UBQLN1: variants seen among roughly 807,000 people sequenced by gnomAD.
UBQLN1 encodes the protein ubiquilin 1.
In UBQLN1, 13 loss-of-function variants were observed where a neutral mutation model predicts 65.4. That is an observed-to-expected ratio of 0.20 (90% CI 0.13 to 0.32). The LOEUF (loss-of-function observed/expected upper bound fraction) is 0.32. UBQLN1 is among the 10% of genes least tolerant of loss of function. UBQLN1 has a pLI of 1.00. For missense variants in UBQLN1, 561 were observed against 724.0 expected (o/e 0.77, Z 2.58); for synonymous variants, 267 against 247.8 (o/e 1.08, Z -0.73).
chr9:83,685,907 A>T, intron 2 of UBQLN1, 97 bp downstream of exon 2: 4 of 1,091,366 alleles, frequency 3.7e-6, no homozygotes, highest in Non-Finnish European at 5.1e-6. Flanking sequence ...TTTAAATATT[A>T]ATGACAGGGA....
rs1483060240 is a variant in UBQLN1 at position 83,682,970 on chromosome 9, A to G, written c.429T>C (p.Thr143=). The G allele has an allele frequency of 1.9e-6, 3 of 1,610,674 alleles. No homozygotes were observed. Among genetic ancestry groups the G allele is most frequent in the Non-Finnish European group, 2.5e-6 (3 of 1,177,904 alleles). ...PNSNSTSGSA[T]SNPFGLGGLG... ...ACTTACCTAAACCAAAAGGGTTGCTAGTAGCAGAACCAGATGTAGAGTTAC... is the reference window on the plus strand; with the variant it reads ...ACTTACCTAAACCAAAAGGGTTGCTGGTAGCAGAACCAGATGTAGAGTTAC... Residue 143 remains threonine (T), a synonymous_variant, in exon 3 of 11, where the codon ACT becomes ACC. Transcript: ENST00000376395.
chr9:83,692,224 AG>A (rs1564170470), intron 1 of UBQLN1, among the ~76,000 whole-genome samples: 1 of 152,244 alleles, frequency 6.6e-6, no homozygotes, highest in Non-Finnish European at 1.5e-5. Context: ...TAAATAATGT[AG>A]TGTTTTTATC....
At chr9:83,694,060 A>C (rs1832169952) in intron 1 of UBQLN1, among the ~76,000 whole-genome samples, 1 of 152,244 alleles carries the variant, frequency 6.6e-6, no homozygotes, top group Non-Finnish European at 1.5e-5. Context: ...TTTAAAAGCA[A>C]CATTGTCACC....
In UBQLN1 at chr9:83,707,764, C is replaced by G. The variant is rs1488557542; in HGVS notation, c.-85G>C. ...AGGAGCCAGCAGACACCAGAGCCGG[C>G]AGGCCTGGACAGCGAAGAATGCAGA... On this transcript the variant is annotated 5_prime_UTR_variant, in exon 1 of 11. Coordinates refer to ENST00000376395, the MANE Select transcript of UBQLN1 (RefSeq NM_013438.5). 2 of 1,453,262 alleles carry G rather than the reference C, an allele frequency of 1.4e-6. No homozygotes were observed. Among genetic ancestry groups the G allele is most frequent in the Non-Finnish European group, 1.8e-6 (2 of 1,111,940 alleles). 90.0% of individuals were successfully genotyped at this position (1,453,262 alleles called of 1,614,324 possible).
chr9:83,695,999 G>A (rs963869995), intron 1 of UBQLN1, among the ~76,000 whole-genome samples: 2 of 151,674 alleles, frequency 1.3e-5, no homozygotes, highest in African/African-American at 4.8e-5. Context: ...GAGTGCAGTC[G>A]CACGATCTCA....
intron 1 of UBQLN1, among the ~76,000 whole-genome samples, chr9:83,699,461 G>A (rs1323821697): frequency 6.6e-6 from 1 of 152,116 alleles, no homozygotes; most frequent in Non-Finnish European, 1.5e-5. Flanking sequence ...GGACTAGCTG[G>A]GACTACAGGT....
chr9:83,675,054 T>C (rs909288726), intron 6 of UBQLN1, among the ~76,000 whole-genome samples: 27 of 152,334 alleles, frequency 1.8e-4, no homozygotes, highest in African/African-American at 6.3e-4. Flanking sequence ...GGATCTATCA[T>C]GTTACTGAAC....
intron 6 of UBQLN1, among the ~76,000 whole-genome samples, chr9:83,676,911 G>C (rs143275539): frequency 3.9e-5 from 6 of 152,320 alleles, no homozygotes; most frequent in African/African-American, 1.4e-4. Context: ...TATCTGAATA[G>C]CTGAAAGGAA....
intron 3 of UBQLN1, among the ~76,000 whole-genome samples, chr9:83,681,163 G>A (rs1213439377): frequency 1.3e-5 from 2 of 152,208 alleles, no homozygotes; most frequent in African/African-American, 2.4e-5. Flanking sequence ...AGGAGACAGA[G>A]AGCCAGGGAA....
intron 9 of UBQLN1, among the ~76,000 whole-genome samples, 165 bp downstream of exon 9, chr9:83,664,865 G>C (rs1831617570): frequency 7.3e-6 from 1 of 136,482 alleles, no homozygotes; most frequent in Non-Finnish European, 1.5e-5. Context: ...GCTGCAGTGA[G>C]CCACAACTGC....
intron 10 of UBQLN1, 30 bp downstream of exon 10, chr9:83,663,845 T>C (rs1343399149): frequency 6.3e-7 from 1 of 1,588,682 alleles, no homozygotes; most frequent in African/African-American, 1.4e-5. Context: ...CATTAAGGAA[T>C]ACAAAACTTG....
intron 1 of UBQLN1, among the ~76,000 whole-genome samples, chr9:83,692,551 C>A (rs1475301292): frequency 6.6e-6 from 1 of 152,198 alleles, no homozygotes; most frequent in Non-Finnish European, 1.5e-5. Flanking sequence ...AAACTTATTA[C>A]AATTATACAA....
At chr9:83,695,435 T>C (rs761858174) in intron 1 of UBQLN1, among the ~76,000 whole-genome samples, 1 of 152,222 alleles carries the variant, frequency 6.6e-6, no homozygotes, top group African/African-American at 2.4e-5. Context: ...CCTGACCTTG[T>C]GATCTGCCCA....
At chr9:83,700,503 G>A (rs1310073191) in intron 1 of UBQLN1, among the ~76,000 whole-genome samples, 2 of 152,160 alleles carry the variant, frequency 1.3e-5, no homozygotes, top group Non-Finnish European at 2.9e-5. Flanking sequence ...TAAAGAGAAG[G>A]AATCACATAA....
At chr9:83,669,376 A>T (rs1831695504) in intron 6 of UBQLN1, 49 bp from the exon 7 acceptor site, 6 of 1,517,590 alleles carry the variant, frequency 4.0e-6, no homozygotes, top group South Asian at 2.6e-5. Context: ...ATACTTAAAC[A>T]AAAGTTAAAG....
At chr9:83,685,366 AAG>A (rs772097856) in intron 2 of UBQLN1, among the ~76,000 whole-genome samples, 7 of 152,234 alleles carry the variant, frequency 4.6e-5, no homozygotes, top group African/African-American at 1.2e-4. Flanking sequence ...TATGTTATGC[AAG>A]AGTGATATGA....
intron 6 of UBQLN1, among the ~76,000 whole-genome samples, chr9:83,669,649 G>GTGAAAA (rs1399082211): frequency 2.6e-5 from 4 of 152,162 alleles, no homozygotes; most frequent in African/African-American, 9.7e-5. Flanking sequence ...ATTCCATAAA[G>GTGAAAA]TGAAAAGGAC....
chr9:83,692,611 G>C (rs1250455971), intron 1 of UBQLN1, among the ~76,000 whole-genome samples: 1 of 152,192 alleles, frequency 6.6e-6, no homozygotes, highest in Non-Finnish European at 1.5e-5. Context: ...CCAGCACTTT[G>C]GGAGGCCGAG....
Position 83,705,246 on chromosome 9 carries a change from C to CTTT in UBQLN1, c.180+2251_180+2253dup, listed in dbSNP as rs57550660. On this transcript the variant is annotated intron_variant, in intron 1 of 10. Transcript: ENST00000376395. ...ATATGTGCTGCTGAAGCCAGCACTC[C>CTTT]TTTTTTTTTTTGAAACGGAGTTTCA... 1.8e-3 allele frequency among the ~76,000 whole-genome samples: 236 copies of CTTT among 129,476 alleles called. 9 individuals are homozygous for CTTT. Among genetic ancestry groups the CTTT allele is most frequent in the African/African-American group, 3.9e-3 (124 of 32,190 alleles). 84.9% of individuals were successfully genotyped at this position (129,476 alleles called of 152,430 possible). A position where few individuals can be genotyped will look rare whatever the true frequency, so the allele number is the denominator to read the frequency against.
Sources: allele counts gnomAD v4.1 joint callset (sites outside exome capture counted in the v4.1 genomes callset), GRCh38; gene constraint gnomAD v4.1.1; transcripts MANE v1.5; gene names NCBI Gene and HGNC (gene_info 2026-07-23, HGNC 2026-07-21).